The following LRRC9 variants were observed in gnomAD, a reference collection of about 807,000 sequenced individuals.
LRRC9 encodes the protein leucine rich repeat containing 9.
Under a neutral mutation model 63.2 loss-of-function variants are expected in LRRC9, and 122 were observed. That is an observed-to-expected ratio of 1.93 (90% CI 1.67 to 2.24). LRRC9 has a LOEUF of 2.24. Among genes scored for constraint, LRRC9 ranks in the 30% most tolerant of loss-of-function variants. The probability of loss-of-function intolerance (pLI) is 0.00; values close to 1 mark genes in which losing one functional copy is unlikely to be tolerated. For synonymous variants in LRRC9, 366 were observed against 213.1 expected (o/e 1.72, Z -6.25); for missense variants, 1,071 against 627.7 (o/e 1.71, Z -7.55).
At chr14:60,021,540 T>A (rs1223355813) in intron 26 of LRRC9, among the ~76,000 whole-genome samples, 2 of 151,952 alleles carry the variant, frequency 1.3e-5, no homozygotes, top group Non-Finnish European at 2.9e-5. Flanking sequence ...TTAGGTGTTA[T>A]ATGTAATAAT....
intron 21 of LRRC9, among the ~76,000 whole-genome samples, chr14:60,005,934 A>C (rs932813717): frequency 1.3e-5 from 2 of 152,112 alleles, no homozygotes; most frequent in Non-Finnish European, 2.9e-5. Context: ...TTTTAGGCAT[A>C]AGCAAGTAAA....
chr14:59,938,065 T>A lies in LRRC9; in HGVS notation c.544-325T>A, dbSNP rs927733114. ...AGACCTACAGGTATCCTGGGGGCAATTAGCAAGAGGGGCTGTGTAGGGGAA... is the reference window on the plus strand; with the variant it reads ...AGACCTACAGGTATCCTGGGGGCAAATAGCAAGAGGGGCTGTGTAGGGGAA... On this transcript the variant is annotated intron_variant, in intron 6 of 31. Transcript: ENST00000445360. This position sits in a 1 kb window ranked among gnomAD's most constrained non-coding sequence, Gnocchi z 4.2. 7.2e-5 allele frequency among the ~76,000 whole-genome samples: 11 copies of A among 152,174 alleles called. No homozygotes were observed. The highest frequency in any genetic ancestry group is 2.6e-4 in the African/African-American group (11 of 41,540).
chr14:60,018,001 A>G (rs1890828093), intron 24 of LRRC9, among the ~76,000 whole-genome samples: 1 of 152,036 alleles, frequency 6.6e-6, no homozygotes, highest in Non-Finnish European at 1.5e-5. Flanking sequence ...GAAGTTTATA[A>G]CCTGAAAAGC....
chr14:59,952,929 T>G (rs992744943), intron 8 of LRRC9, among the ~76,000 whole-genome samples: 1 of 152,190 alleles, frequency 6.6e-6, no homozygotes, highest in Non-Finnish European at 1.5e-5. Flanking sequence ...TGTTCCTGTG[T>G]TAGTTTGCTG....
rs140525122 is a variant in LRRC9 at position 60,053,383 on chromosome 14, T to TCACACACACACACA, written c.4131+203_4131+216dup. Among the ~76,000 whole-genome samples, 5 of 85,618 alleles carry TCACACACACACACA rather than the reference T, an allele frequency of 5.8e-5. No individual in the cohort carries two copies. The highest frequency in any genetic ancestry group is 1.3e-4 in the African/African-American group (4 of 31,952). 56.2% of individuals were successfully genotyped at this position (85,618 alleles called of 152,430 possible). On this transcript the variant is annotated intron_variant, in intron 30 of 31. Coordinates refer to ENST00000445360, the Ensembl canonical transcript of LRRC9. This position sits in a 1 kb window ranked among gnomAD's most constrained non-coding sequence, Gnocchi z 4.8. ...GATTTGGTGAATAGAGCATGCGTGC[T>TCACACACACACACA]CACACACACACACACACACACACAC...
rs1890776966 is a variant in LRRC9 at position 60,017,357 on chromosome 14, T to C, written c.3317+567T>C. ...TCTTTCATATTTGTTTCTCCCTTTG[T>C]TTTTCCTGTTGCACTGCCTAGAACT... On this transcript the variant is annotated intron_variant, in intron 24 of 31. Transcript: ENST00000445360. The surrounding 1 kb of genome is among the most constrained non-coding windows in gnomAD (Gnocchi z 4.0). Among the ~76,000 whole-genome samples the C allele has an allele frequency of 6.6e-6, 1 of 152,086 alleles. No individual in the cohort carries two copies. The highest frequency in any genetic ancestry group is 2.4e-5 in the African/African-American group (1 of 41,430).
Position 59,938,575 on chromosome 14 carries a change from A to G in LRRC9, c.726+3A>G. The G allele has an allele frequency of 1.4e-6, 1 of 690,812 alleles. No homozygotes were observed. Among genetic ancestry groups the G allele is most frequent in the Non-Finnish European group, 2.6e-6 (1 of 379,842 alleles). The allele number at this position is 690,812 out of a possible 1,614,324, so 42.8% of individuals were successfully genotyped here. A position where few individuals can be genotyped will look rare whatever the true frequency, so the allele number is the denominator to read the frequency against. On this transcript the variant is annotated splice_donor_region_variant and intron_variant, in intron 7 of 31. Coordinates refer to ENST00000445360, the Ensembl canonical transcript of LRRC9. This position sits in a 1 kb window ranked among gnomAD's most constrained non-coding sequence, Gnocchi z 4.2. ...AGCAAATCAAGGAACTGGCAGATGT[A>G]AGTACATCCCTAATCAGGCATCTGT...
chr14:60,034,015 C>CTTTTTTTTTTTTTTTTTTTT (rs1157239003), intron 29 of LRRC9, among the ~76,000 whole-genome samples: 1 of 116,058 alleles, frequency 8.6e-6, no homozygotes, highest in Non-Finnish European at 1.7e-5. Flanking sequence ...TTTTTTCTTT[C>CTTTTTTTTTTTTTTTTTTTT]TTTTTTTTTT....
intron 6 of LRRC9, among the ~76,000 whole-genome samples, chr14:59,933,623 A>C (rs533650047): frequency 6.6e-6 from 1 of 152,348 alleles, no homozygotes; most frequent in South Asian, 2.1e-4. Context: ...TAAAAATACC[A>C]AAAAGCTATA....
At chr14:60,061,687 T>C (rs1368764678) in intron 31 of LRRC9, among the ~76,000 whole-genome samples, 2 of 152,200 alleles carry the variant, frequency 1.3e-5, no homozygotes, top group African/African-American at 4.8e-5. Context: ...ATTTTTTGAC[T>C]GTGCTGCCCC....
chr14:59,969,227 A>G (rs1335676481), intron 12 of LRRC9: 1 of 151,816 alleles, frequency 6.6e-6, no homozygotes, highest in Admixed American at 6.6e-5. Flanking sequence ...TTCTTTTTGA[A>G]ACTCTCCTTT....
chr14:59,935,148 C>G (rs1890036580), intron 6 of LRRC9, among the ~76,000 whole-genome samples: 1 of 149,498 alleles, frequency 6.7e-6, no homozygotes, highest in Non-Finnish European at 1.5e-5. Flanking sequence ...AAAAAAATAG[C>G]CAGGCGTGGT....
In LRRC9 at chr14:59,962,611, C is replaced by A. The variant is rs1244323495; in HGVS notation, c.1211+1566C>A. Among the ~76,000 whole-genome samples the A allele has an allele frequency of 1.3e-5, 2 of 152,120 alleles. No homozygotes were observed. Among genetic ancestry groups the A allele is most frequent in the African/African-American group, 4.8e-5 (2 of 41,426 alleles). ...GGAGACGGGGTTTTGCCATGTTGGCCAGGCTGGTCTCAAACTCCTGGCCTC... is the reference window on the plus strand; with the variant it reads ...GGAGACGGGGTTTTGCCATGTTGGCAAGGCTGGTCTCAAACTCCTGGCCTC... On this transcript the variant is annotated intron_variant, in intron 10 of 31. Transcript: ENST00000445360. This position sits in a 1 kb window ranked among gnomAD's most constrained non-coding sequence, Gnocchi z 5.1.
rs1888886192 is a variant in LRRC9 at position 59,922,673 on chromosome 14, AAAT to A, written c.-34+2793_-34+2795del. 6.6e-6 allele frequency among the ~76,000 whole-genome samples: 1 copy of A among 152,162 alleles called. No homozygotes were observed. Among genetic ancestry groups the A allele is most frequent in the Non-Finnish European group, 1.5e-5 (1 of 68,026 alleles). On this transcript the variant is annotated intron_variant, in intron 1 of 31. Transcript: ENST00000445360. The surrounding 1 kb of genome is among the most constrained non-coding windows in gnomAD (Gnocchi z 5.3). ...GAAAAATACGTCTTTGAGAGGAGGG[AAAT>A]AAGAAACATACATTTGATGGCACCA...
chr14:59,941,300 G>A (rs371637121), intron 7 of LRRC9, among the ~76,000 whole-genome samples: 4 of 151,798 alleles, frequency 2.6e-5, no homozygotes, highest in African/African-American at 7.2e-5. Flanking sequence ...TAAGTGGGAA[G>A]TACACTTTTC....
chr14:60,020,504 T>G (rs1195150908), intron 26 of LRRC9, among the ~76,000 whole-genome samples: 4 of 151,948 alleles, frequency 2.6e-5, no homozygotes, highest in Non-Finnish European at 5.9e-5. Context: ...GTATCATGTT[T>G]ACTTATATTA....
intron 12 of LRRC9, among the ~76,000 whole-genome samples, chr14:59,968,677 A>G (rs1885125552): frequency 6.6e-6 from 1 of 152,184 alleles, no homozygotes; most frequent in South Asian, 2.1e-4. Context: ...AGGCAGAGTG[A>G]ATTGCTCACA....
At chr14:59,925,712 A>G (rs1374507799) in intron 1 of LRRC9, among the ~76,000 whole-genome samples, 1 of 152,202 alleles carries the variant, frequency 6.6e-6, no homozygotes, top group Non-Finnish European at 1.5e-5. Context: ...TATATATAAT[A>G]CACAGCTACC....
At chr14:60,034,831 G>A (rs1354494011) in intron 29 of LRRC9, among the ~76,000 whole-genome samples, 1 of 152,152 alleles carries the variant, frequency 6.6e-6, no homozygotes, top group African/African-American at 2.4e-5. Flanking sequence ...TCTCTTTGAT[G>A]TATTGATTTC....
Sources: allele counts gnomAD v4.1 joint callset (sites outside exome capture counted in the v4.1 genomes callset), GRCh38; gene constraint gnomAD v4.1.1; non-coding constraint Gnocchi (gnomAD v3.1); transcripts MANE v1.5; gene names NCBI Gene and HGNC (gene_info 2026-07-23, HGNC 2026-07-21).